FSTL5: variants seen among roughly 807,000 people sequenced by gnomAD.
FSTL5 encodes the protein follistatin like 5.
FSTL5 carries 62 observed loss-of-function variants against 89.1 expected under a neutral mutation model. That is an observed-to-expected ratio of 0.70 (90% CI 0.57 to 0.86). The LOEUF (loss-of-function observed/expected upper bound fraction) is 0.86. Ranked by LOEUF, FSTL5 falls within the 40% of genes least tolerant of loss-of-function variation. FSTL5 has a pLI of 0.00. For missense variants in FSTL5, 1,057 were observed against 1,001.6 expected, an observed-to-expected ratio of 1.06 and a Z score of -0.75; for synonymous variants, 383 against 346.2, an observed-to-expected ratio of 1.11 and a Z score of -1.18.
intron 8 of FSTL5, among the ~76,000 whole-genome samples, chr4:161,564,816 T>C (rs1222406369): frequency 1.3e-5 from 2 of 151,766 alleles, no homozygotes; most frequent in Non-Finnish European, 2.9e-5. Context: ...GGTGTTCTGC[T>C]TGCATACTAT....
chr4:161,612,910 G>A (rs1022670362), intron 7 of FSTL5, among the ~76,000 whole-genome samples: 2 of 150,808 alleles, frequency 1.3e-5, no homozygotes, highest in Non-Finnish European at 2.9e-5. Flanking sequence ...GTCTGTGAAT[G>A]TAAATGTAAT....
At chr4:162,081,862 T>A (rs1730113134) in intron 2 of FSTL5, among the ~76,000 whole-genome samples, 1 of 151,340 alleles carries the variant, frequency 6.6e-6, no homozygotes, top group Admixed American at 6.6e-5. Flanking sequence ...TATAAGAATA[T>A]TTACTTCAAT....
intron 3 of FSTL5, among the ~76,000 whole-genome samples, chr4:161,926,695 C>T (rs359494): frequency 0.98 from 148,955 of 151,860 alleles, 73,110 homozygotes; most frequent in Middle Eastern, 1. Context: ...AACCTCAATG[C>T]TTAAACTTGA....
intron 2 of FSTL5, among the ~76,000 whole-genome samples, chr4:162,068,244 G>T (rs566414202): frequency 6.6e-6 from 1 of 151,986 alleles, no homozygotes; most frequent in African/African-American, 2.4e-5. Context: ...ATATAGCCAA[G>T]GCAATCCTAA....
At position 161,648,213 on chromosome 4, in the gene FSTL5, G is replaced by A. The variant is rs554038854; in HGVS notation, c.894+8115C>T. Among the ~76,000 whole-genome samples, 11 of 152,254 alleles carry A rather than the reference G, an allele frequency of 7.2e-5. No homozygotes were observed. In the South Asian group the frequency reaches 2.3e-3, roughly 32 times the overall value. ...CAAGGTAAAGGGTCTAATTGAGCTG[G>A]TTAACACAAGCCGCCTATAGACTGC... On this transcript the variant is annotated intron_variant, in intron 7 of 15. Coordinates refer to ENST00000306100, the MANE Select transcript of FSTL5 (RefSeq NM_020116.5).
At chr4:162,045,021 C>T (rs541128033) in intron 2 of FSTL5, among the ~76,000 whole-genome samples, 1 of 152,282 alleles carries the variant, frequency 6.6e-6, no homozygotes, top group Admixed American at 6.5e-5. Flanking sequence ...TTCATACATT[C>T]ACTAAAGTAG....
intron 6 of FSTL5, among the ~76,000 whole-genome samples, chr4:161,745,177 T>TA (rs1314647550): frequency 6.6e-6 from 1 of 152,038 alleles, no homozygotes; most frequent in Non-Finnish European, 1.5e-5. Flanking sequence ...CATAAACTAT[T>TA]AAAAAAGCCC....
intron 7 of FSTL5, among the ~76,000 whole-genome samples, chr4:161,641,928 CAT>C (rs1735981756): frequency 6.6e-6 from 1 of 152,016 alleles, no homozygotes; most frequent in African/African-American, 2.4e-5. Context: ...CCCACAAAGA[CAT>C]AGTTACGCAA....
Position 161,587,513 on chromosome 4 carries a change from G to A in FSTL5, c.957C>T (p.Tyr319=). ...TKVTTTHVGN[Y]TCYADGYEQV... ...GTTCATAGCCATCTGCATAGCAGGTGTAATTGCCAACGTGAGTTGTGGTAA... is the reference window on the plus strand; with the variant it reads ...GTTCATAGCCATCTGCATAGCAGGTATAATTGCCAACGTGAGTTGTGGTAA... Residue 319 remains tyrosine, a synonymous_variant, in exon 8 of 16, where the codon TAC becomes TAT. Coordinates refer to ENST00000306100, the MANE Select transcript of FSTL5 (RefSeq NM_020116.5). The A allele has an allele frequency of 1.2e-6, 2 of 1,611,630 alleles. No individual in the cohort carries two copies. The highest frequency in any genetic ancestry group is 1.7e-6 in the Non-Finnish European group (2 of 1,178,008).
intron 8 of FSTL5, among the ~76,000 whole-genome samples, chr4:161,563,552 T>C (rs1434155452): frequency 6.6e-6 from 1 of 151,978 alleles, no homozygotes; most frequent in Non-Finnish European, 1.5e-5. Flanking sequence ...ATTTAGGCTG[T>C]GCTTCTTTAT....
At chr4:161,497,092 T>C (rs1406478427) in intron 12 of FSTL5, among the ~76,000 whole-genome samples, 1 of 152,156 alleles carries the variant, frequency 6.6e-6, no homozygotes. Flanking sequence ...AATATTACCT[T>C]CATGTAAAAA....
chr4:161,415,331 C>T (rs1560883711), intron 15 of FSTL5, among the ~76,000 whole-genome samples: 1 of 152,152 alleles, frequency 6.6e-6, no homozygotes, highest in African/African-American at 2.4e-5. Context: ...TCTCTGCTCA[C>T]TGCAACCTCT....
At chr4:161,740,124 A>G (rs184688355) in intron 6 of FSTL5, among the ~76,000 whole-genome samples, 1 of 151,770 alleles carries the variant, frequency 6.6e-6, no homozygotes, top group Non-Finnish European at 1.5e-5. Flanking sequence ...GGTTCAAGCG[A>G]TTTTCCTGCC....
intron 15 of FSTL5, among the ~76,000 whole-genome samples, chr4:161,394,134 G>GTA: frequency 6.6e-6 from 1 of 152,260 alleles, no homozygotes. Context: ...AAGAAAAATT[G>GTA]TATCAACTTT....
chr4:161,898,578 A>C (rs72691280), intron 4 of FSTL5, among the ~76,000 whole-genome samples: 15,064 of 150,968 alleles, frequency 0.1, 819 homozygotes, highest in East Asian at 0.16. Context: ...CAATTTCCTA[A>C]TGAAAAATTT....
intron 3 of FSTL5, among the ~76,000 whole-genome samples, chr4:161,992,942 G>A (rs7435357): frequency 0.25 from 973 of 3,956 alleles, 47 homozygotes; most frequent in African/African-American, 0.3. Flanking sequence ...ATATATATAT[G>A]TGTGTATATC....
At chr4:161,630,960 C>T (rs754071677) in intron 7 of FSTL5, among the ~76,000 whole-genome samples, 18 of 152,138 alleles carry the variant, frequency 1.2e-4, no homozygotes, top group Admixed American at 1.2e-3. Context: ...TGCTCTTCTG[C>T]GTTTTTCCAA....
At chr4:161,522,477 A>G (rs1279282334) in intron 10 of FSTL5, among the ~76,000 whole-genome samples, 1 of 151,976 alleles carries the variant, frequency 6.6e-6, no homozygotes, top group Admixed American at 6.6e-5. Context: ...TATAATGTTG[A>G]TAAAATATAT....
chr4:161,985,868 T>C (rs1327132288), intron 3 of FSTL5, among the ~76,000 whole-genome samples: 1 of 152,184 alleles, frequency 6.6e-6, no homozygotes, highest in Admixed American at 6.5e-5. Context: ...TTTATTCATA[T>C]GAAACAGGCA....
Sources: gnomAD v4.1 joint callset for allele counts (sites outside exome capture counted in the v4.1 genomes callset) on GRCh38, gnomAD v4.1.1 for gene constraint, MANE v1.5 for transcripts, NCBI Gene and HGNC (gene_info 2026-07-23, HGNC 2026-07-21) for gene names.